Variants in MTA3 observed in about 807,000 individuals in gnomAD.
The protein encoded by MTA3 is metastasis associated 1 family member 3.
In MTA3, 34 loss-of-function variants were observed where a neutral mutation model predicts 83.5. That is an observed-to-expected ratio of 0.41 (90% CI 0.31 to 0.54). The LOEUF is 0.54. Ranked by LOEUF, MTA3 falls within the 20% of genes least tolerant of loss-of-function variation. The probability of loss-of-function intolerance (pLI) is 0.33; values close to 1 mark genes in which losing one functional copy is unlikely to be tolerated. For synonymous variants in MTA3, 303 were observed against 252.7 expected (o/e 1.20, Z -1.89); for missense variants, 761 against 726.4 (o/e 1.05, Z -0.55).
intron 2 of MTA3, among the ~76,000 whole-genome samples, chr2:42,573,096 G>A (rs1177202112): frequency 6.6e-6 from 1 of 152,020 alleles, no homozygotes; most frequent in Non-Finnish European, 1.5e-5. Context: ...ATGATGTTTT[G>A]TTTTCCTCCG....
chr2:42,711,077 A>AAAATAAAT (rs142504560), intron 14 of MTA3, among the ~76,000 whole-genome samples: 2 of 151,744 alleles, frequency 1.3e-5, no homozygotes, highest in Non-Finnish European at 2.9e-5. Context: ...TCCGCATTAA[A>AAAATAAAT]AAATAAATAA....
chr2:42,502,916 C>T (rs995328427), intron 2 of MTA3, among the ~76,000 whole-genome samples: 11 of 150,842 alleles, frequency 7.3e-5, no homozygotes, highest in African/African-American at 2.7e-4. Context: ...GAGCTGAGAT[C>T]GCACCACTGC....
At chr2:42,576,522 C>T (rs1161212640) in intron 2 of MTA3, among the ~76,000 whole-genome samples, 1 of 152,130 alleles carries the variant, frequency 6.6e-6, no homozygotes, top group South Asian at 2.1e-4. Context: ...CCCAGCTGCT[C>T]GAGAGGCTGA....
rs149301665 is a variant in MTA3, at chr2:42,556,071, C to T, written c.-140-14366C>T. On this transcript the variant is annotated intron_variant, in intron 2 of 17. Transcript: ENST00000405592. ...TGGGCGACAGAGCGAGACTCTGTCT[C>T]AAAAAACAAAAGCAAACAAACAAAA... Among the ~76,000 whole-genome samples, 797 of 130,664 alleles carry T rather than the reference C, an allele frequency of 6.1e-3. 4 individuals carry two copies. The highest frequency in any genetic ancestry group is 0.022 in the African/African-American group (771 of 35,344). The allele number at this position is 130,664 out of a possible 152,430, so 85.7% of individuals were successfully genotyped here.
chr2:42,751,546 A>G (rs925102675), intron 16 of MTA3, among the ~76,000 whole-genome samples: 1 of 152,174 alleles, frequency 6.6e-6, no homozygotes, highest in Non-Finnish European at 1.5e-5. Flanking sequence ...GCAGGTGGTA[A>G]GTACTGGGAT....
Position 42,636,944 on chromosome 2 carries a change from A to G in MTA3, c.318-3229A>G, listed in dbSNP as rs147046698. On this transcript the variant is annotated intron_variant, in intron 4 of 16. Coordinates refer to ENST00000405094, the MANE Select transcript of MTA3 (RefSeq NM_001330442.2). ...CTGGCCCTCCTCTTTCATTTATACA[A>G]ATATGTACTAGCTTTAGATAAAAGA... 5.0e-4 allele frequency among the ~76,000 whole-genome samples: 76 copies of G among 152,206 alleles called. 1 individual carries two copies. In the East Asian group the frequency reaches 0.013, roughly 25 times the overall value.
At chr2:42,707,296 T>C (rs1573702577) in intron 12 of MTA3, among the ~76,000 whole-genome samples, 1 of 151,660 alleles carries the variant, frequency 6.6e-6, no homozygotes, top group South Asian at 2.1e-4. Context: ...CAGGCTGGAG[T>C]GCAGTGGCGT....
intron 4 of MTA3, among the ~76,000 whole-genome samples, chr2:42,638,910 A>T (rs2104293558): frequency 6.6e-6 from 1 of 151,770 alleles, no homozygotes; most frequent in East Asian, 1.9e-4. Flanking sequence ...TTTTAATTTA[A>T]AGAGTATATA....
At chr2:42,633,846 GC>G (rs1426360416) in intron 4 of MTA3, among the ~76,000 whole-genome samples, 1 of 149,702 alleles carries the variant, frequency 6.7e-6, no homozygotes, top group Non-Finnish European at 1.5e-5. Flanking sequence ...CCGAGACCGC[GC>G]CACTGCACTC....
chr2:42,605,222 C>G (rs1261406260), intron 3 of MTA3, among the ~76,000 whole-genome samples: 1 of 135,818 alleles, frequency 7.4e-6, no homozygotes, highest in Non-Finnish European at 1.6e-5. Context: ...GGCTGACCCC[C>G]CCCACCTCCC....
Position 42,754,980 on chromosome 2 carries a change from C to T in MTA3, c.*1581C>T. On this transcript the variant is annotated 3_prime_UTR_variant, in exon 17 of 17. Transcript: ENST00000405094. ...CGAGCATGGGATGTCTCCACCACCA[C>T]CCACTCTTGGAGCTGTGCTGGGTCT... 1.0e-6 allele frequency: 1 copy of T among 985,528 alleles called. No individual in the cohort carries two copies. The highest frequency in any genetic ancestry group is 1.2e-6 in the Non-Finnish European group (1 of 830,046). 61.0% of individuals were successfully genotyped at this position (985,528 alleles called of 1,614,324 possible).
chr2:42,715,573 A>G (rs1666972091), intron 14 of MTA3, among the ~76,000 whole-genome samples: 1 of 152,112 alleles, frequency 6.6e-6, no homozygotes, highest in Admixed American at 6.6e-5. Flanking sequence ...GATTAGTGAA[A>G]TATGCTTCTT....
chr2:42,606,501 C>T (rs9653490), intron 3 of MTA3, among the ~76,000 whole-genome samples: 113,243 of 145,952 alleles, frequency 0.78, 44,548 homozygotes, highest in African/African-American at 0.92. Context: ...GCAGAGACGC[C>T]CCTCACTTCC....
chr2:42,669,149 T>G (rs935912393), intron 8 of MTA3, among the ~76,000 whole-genome samples: 2 of 150,550 alleles, frequency 1.3e-5, no homozygotes, highest in Non-Finnish European at 3.0e-5. Flanking sequence ...CAGTGGTTAG[T>G]TCTTGGCTCA....
At chr2:42,637,516 A>T (rs1310476753) in intron 4 of MTA3, among the ~76,000 whole-genome samples, 1 of 152,194 alleles carries the variant, frequency 6.6e-6, no homozygotes, top group African/African-American at 2.4e-5. Flanking sequence ...TAACGCTTTA[A>T]ATCTCTTTTT....
intron 2 of MTA3, among the ~76,000 whole-genome samples, chr2:42,524,827 CA>C (rs59653736): frequency 0.47 from 59,216 of 126,288 alleles, 12,364 homozygotes; most frequent in Middle Eastern, 0.56. Flanking sequence ...ATCTAGCATC[CA>C]AAAAAAAAAA....
chr2:42,536,877 A>AAAAC (rs1676268406), intron 2 of MTA3, among the ~76,000 whole-genome samples: 2 of 150,798 alleles, frequency 1.3e-5, no homozygotes, highest in African/African-American at 2.4e-5. Flanking sequence ...AAAAAAAAAA[A>AAAAC]GGGAGTATAT....
chr2:42,512,546 T>C (rs994142079), intron 2 of MTA3, among the ~76,000 whole-genome samples: 1 of 152,192 alleles, frequency 6.6e-6, no homozygotes, highest in African/African-American at 2.4e-5. Flanking sequence ...ACTGAGAAGC[T>C]TTTTATCCCC....
chr2:42,548,866 A>ATATAT (rs1676922449), intron 2 of MTA3, among the ~76,000 whole-genome samples: 1 of 16,708 alleles, frequency 6.0e-5, no homozygotes, highest in African/African-American at 4.1e-4. Flanking sequence ...TATAATATAT[A>ATATAT]TATATATATA....
Sources: gnomAD v4.1 joint callset for allele counts (sites outside exome capture counted in the v4.1 genomes callset) on GRCh38, gnomAD v4.1.1 for gene constraint, MANE v1.5 for transcripts, NCBI Gene and HGNC (gene_info 2026-07-23, HGNC 2026-07-21) for gene names.